Variants in ECE1 observed in about 807,000 individuals in gnomAD.
ECE1 encodes endothelin-converting enzyme 1.
In ECE1, 35 loss-of-function variants were observed where a neutral mutation model predicts 98.6. The observed-to-expected ratio is 0.35, with a 90% CI of 0.27 to 0.47. The LOEUF (loss-of-function observed/expected upper bound fraction) is 0.47, where lower values mean the gene tolerates loss of function less well. Among genes scored for constraint, ECE1 ranks in the 20% least tolerant of loss-of-function variants. The pLI is 1.00. For missense variants in ECE1, 814 were observed against 1,025.3 expected (o/e 0.79, Z 2.81); for synonymous variants, 394 against 407.1 (o/e 0.97, Z 0.39).
intron 9 of ECE1, among the ~76,000 whole-genome samples, chr1:21,246,510 A>AG (rs2098203837): frequency 2.0e-5 from 3 of 148,674 alleles, no homozygotes; most frequent in Non-Finnish European, 3.0e-5. Context: ...AAAAAAAAAA[A>AG]AAAAGAAAAG....
rs997825173 is a variant in ECE1 at position 21,260,134 on chromosome 1, CTCTT to C, written c.615+133_615+136del. 149 of 1,353,944 alleles carry C rather than the reference CTCTT, an allele frequency of 1.1e-4. 1 individual carries two copies. Among genetic ancestry groups the C allele is most frequent in the South Asian group, 7.8e-4 (66 of 84,560 alleles). The allele number at this position is 1,353,944 out of a possible 1,614,324, so 83.9% of individuals were successfully genotyped here. On this transcript the variant is annotated intron_variant, in intron 5 of 18. Transcript: ENST00000374893. The surrounding 1 kb of genome is among the most constrained non-coding windows in gnomAD (Gnocchi z 4.3). Reference sequence around the variant, plus strand: ...ATGTGCTCTCGCACACTCGCTCTCTCTCTTTCTGTCTTTCTCTTGGTGCTACCGG... The same window carrying C: ...ATGTGCTCTCGCACACTCGCTCTCTCTCTGTCTTTCTCTTGGTGCTACCGG...
intron 1 of ECE1, among the ~76,000 whole-genome samples, chr1:21,342,458 CAG>C (rs1491485466): frequency 9.9e-5 from 15 of 152,078 alleles, no homozygotes; most frequent in Admixed American, 3.3e-4. Context: ...TGGGAGAAAA[CAG>C]GGGGAGACGG....
Position 21,227,301 on chromosome 1 carries a change from C to T in ECE1, c.1782-75G>A, listed in dbSNP as rs2098175629. The T allele has an allele frequency of 2.8e-6, 4 of 1,428,676 alleles. No homozygotes were observed. The Admixed American group carries it at 6.7e-5, about 24-fold the overall frequency. The allele number at this position is 1,428,676 out of a possible 1,614,324, so 88.5% of individuals were successfully genotyped here. On this transcript the variant is annotated intron_variant, in intron 15 of 18. Transcript: ENST00000374893. ...CTCACTCTTGCTCAGGTATGTGACCCTCACTTCCTGGGCTTAGAGATATAG... is the reference window on the plus strand; with the variant it reads ...CTCACTCTTGCTCAGGTATGTGACCTTCACTTCCTGGGCTTAGAGATATAG...
Position 21,225,590 on chromosome 1 carries a change from G to T in ECE1, c.1850-150C>A. ...GACGAGGTCCCTGTGAGTGCCGAGG[G>T]ACGTGGATGTGGTGGCCAGTCAGAG... On this transcript the variant is annotated intron_variant, in intron 16 of 18. Transcript: ENST00000374893. The surrounding 1 kb of genome is among the most constrained non-coding windows in gnomAD (Gnocchi z 5.3). 1.2e-6 allele frequency: 1 copy of T among 861,654 alleles called. No homozygotes were observed. Among genetic ancestry groups the T allele is most frequent in the Non-Finnish European group, 1.8e-6 (1 of 560,848 alleles). 53.4% of individuals were successfully genotyped at this position (861,654 alleles called of 1,614,324 possible).
rs185645153 is a variant in ECE1, at chr1:21,289,695, C to G, written c.138+375G>C. Among the ~76,000 whole-genome samples, 65 of 152,046 alleles carry G rather than the reference C, an allele frequency of 4.3e-4. 2 individuals are homozygous for G. Among genetic ancestry groups the G allele is most frequent in the Admixed American group, 4.1e-3 (62 of 15,280 alleles). The stretch of plus-strand genomic sequence containing the variant: ...CTTTCCACGCTAAAACAGAAACAGC[C>G]GTAGACTCTGCCGGTAAAGGGCCTG... On this transcript the variant is annotated intron_variant, in intron 2 of 18. Transcript: ENST00000374893.
chr1:21,259,062 A>G lies in ECE1; in HGVS notation c.616-223T>C, dbSNP rs1443479357. Among the ~76,000 whole-genome samples the G allele has an allele frequency of 2.0e-5, 3 of 152,158 alleles. No individual in the cohort carries two copies. The East Asian group carries it at 5.8e-4, about 29-fold the overall frequency. On this transcript the variant is annotated intron_variant, in intron 5 of 18. Transcript: ENST00000374893. ...CTTATCCTAGACAAGCCAAGCAGCC[A>G]GGCATGAATCCAGCCGCTCCCTGGG...
At chr1:21,228,979 C>T (rs2098178275) in intron 14 of ECE1, among the ~76,000 whole-genome samples, 1 of 151,360 alleles carries the variant, frequency 6.6e-6, no homozygotes, top group Admixed American at 6.6e-5. Flanking sequence ...GTAGCTGGGA[C>T]TACAGGCGCC....
At chr1:21,269,818 G>A (rs2098238134) in intron 4 of ECE1, among the ~76,000 whole-genome samples, 1 of 152,182 alleles carries the variant, frequency 6.6e-6, no homozygotes, top group Admixed American at 6.5e-5. Flanking sequence ...GTGATAAGCA[G>A]CTAGCACACC....
intron 8 of ECE1, among the ~76,000 whole-genome samples, chr1:21,248,875 G>C (rs1015245253): frequency 6.6e-6 from 1 of 150,972 alleles, no homozygotes; most frequent in South Asian, 2.1e-4. Flanking sequence ...TGCCTGCCTC[G>C]GCCTCCCAAA....
upstream of ECE1, among the ~76,000 whole-genome samples, chr1:21,292,690 A>G (rs1208674443): frequency 6.6e-6 from 1 of 152,188 alleles, no homozygotes; most frequent in Non-Finnish European, 1.5e-5. Flanking sequence ...AACGGTTGTT[A>G]AAATCAAAGG....
At position 21,323,476 on chromosome 1, in the gene ECE1, T is replaced by C. The variant is rs12060705; in HGVS notation, c.3+21900A>G. On this transcript the variant is annotated intron_variant, in intron 1 of 18. Coordinates refer to the ECE1 transcript ENST00000415912. ...ACAAAACAGACAAAATCCTTGCCTT[T>C]GGGCCAAGTGCAGTGTTCATGCCTG... Among the ~76,000 whole-genome samples, 1,149 of 152,228 alleles carry C rather than the reference T, an allele frequency of 7.5e-3. 17 individuals are homozygous for C. Among genetic ancestry groups the C allele is most frequent in the African/African-American group, 0.026 (1,073 of 41,528 alleles).
chr1:21,342,605 G>C (rs112974652), intron 1 of ECE1, among the ~76,000 whole-genome samples: 145 of 81,678 alleles, frequency 1.8e-3, no homozygotes, highest in Admixed American at 3.3e-3. Flanking sequence ...GACACACACA[G>C]ATACACACAC....
chr1:21,267,424 A>AAG (rs1413601145), intron 4 of ECE1, among the ~76,000 whole-genome samples: 5 of 152,186 alleles, frequency 3.3e-5, no homozygotes, highest in African/African-American at 1.2e-4. Flanking sequence ...GCAACAGGCA[A>AAG]AGAGAGAGAG....
chr1:21,282,964 C>T (rs1290500170), intron 2 of ECE1, among the ~76,000 whole-genome samples: 3 of 115,534 alleles, frequency 2.6e-5, no homozygotes, highest in African/African-American at 6.8e-5. Flanking sequence ...TTTTTTGAGA[C>T]GGAGTCTTGC....
chr1:21,245,027 C>A lies in ECE1; in HGVS notation c.1240G>T (p.Asp414Tyr). 1 of 1,614,194 alleles carries A rather than the reference C, an allele frequency of 6.2e-7. No homozygotes were observed. Among genetic ancestry groups the A allele is most frequent in the Non-Finnish European group, 8.5e-7 (1 of 1,180,032 alleles). Residue 414 changes from aspartate to tyrosine, a missense_variant, in exon 10 of 19, where the codon GAT becomes TAT. This residue lies in a region of ECE1 where 452 missense variants were observed against 567.3 expected (regional missense o/e 0.80). Transcript: ENST00000374893. ...TACATGACTTCCATGAACTTCTCATCGGCGTCCTGAAAGCGCTGGTCAAGG... is the reference window on the plus strand; with the variant it reads ...TACATGACTTCCATGAACTTCTCATAGGCGTCCTGAAAGCGCTGGTCAAGG... ...SFLDQRFQDA[D>Y]EKFMEVMYGT...
chr1:21,250,469 T>C (rs1184457900), intron 8 of ECE1, among the ~76,000 whole-genome samples: 1 of 152,188 alleles, frequency 6.6e-6, no homozygotes, highest in Non-Finnish European at 1.5e-5. Flanking sequence ...ATATTGGCCA[T>C]TACAATCTTT....
At chr1:21,311,086 G>A (rs1638713322) in intron 1 of ECE1, among the ~76,000 whole-genome samples, 3 of 152,246 alleles carry the variant, frequency 2.0e-5, no homozygotes, top group Admixed American at 2.0e-4. Context: ...CAGGCTGGTA[G>A]TGAGGATGAA....
intron 18 of ECE1, 73 bp downstream of exon 18, chr1:21,221,674 C>T (rs537205028): frequency 3.0e-5 from 46 of 1,510,396 alleles, no homozygotes; most frequent in Middle Eastern, 1.7e-4. Context: ...ACTTGCCTTT[C>T]GGCTCTCTGG....
Position 21,278,668 on chromosome 1 carries a change from G to T in ECE1, c.280+523C>A, listed in dbSNP as rs28367942. Among the ~76,000 whole-genome samples, 14 of 152,332 alleles carry T rather than the reference G, an allele frequency of 9.2e-5. No individual in the cohort carries two copies. In the East Asian group the frequency reaches 2.5e-3, roughly 27 times the overall value. ...AATGAGATTGCATCTGAAGCGAGGG[G>T]TGTGGTATTTGGGTATTTGGTCCGA... On this transcript the variant is annotated intron_variant, in intron 3 of 18. Transcript: ENST00000374893.
Sources: allele counts gnomAD v4.1 joint callset (sites outside exome capture counted in the v4.1 genomes callset), GRCh38; gene constraint gnomAD v4.1.1; regional missense constraint gnomAD v4.1.1; non-coding constraint Gnocchi (gnomAD v3.1); transcripts MANE v1.5; gene names NCBI Gene and HGNC (gene_info 2026-07-23, HGNC 2026-07-21).